The following WNT7B variants were observed in gnomAD, a reference collection of about 807,000 sequenced individuals.
WNT7B encodes the protein Wnt family member 7B.
A neutral mutation model predicts 38.2 loss-of-function variants in WNT7B; 19 were observed. The ratio of observed to expected loss-of-function variants is 0.50; its 90% CI spans 0.35 to 0.73. WNT7B has a LOEUF of 0.73. WNT7B is among the 30% of genes least tolerant of loss of function. WNT7B has a pLI of 0.01. For missense variants in WNT7B, 423 were observed against 507.9 expected (o/e 0.83, Z 1.61); for synonymous variants, 243 against 209.3 (o/e 1.16, Z -1.39).
At chr22:45,927,982 GGAGGAACACTGGGAGCT>G (rs1931146137) in intron 3 of WNT7B, among the ~76,000 whole-genome samples, 1 of 152,216 alleles carries the variant, frequency 6.6e-6, no homozygotes, top group African/African-American at 2.4e-5. Flanking sequence ...TGGCCACAGC[GGAGGAACACTGGGAGCT>G]GAGGAATGCT....
rs1405763137 is a variant in WNT7B at position 45,975,540 on chromosome 22, T to A, written c.71+1144A>T. 4 of 716,766 alleles carry A rather than the reference T, an allele frequency of 5.6e-6. No individual in the cohort carries two copies. In the South Asian group the frequency reaches 5.9e-5, roughly 11 times the overall value. 44.4% of individuals were successfully genotyped at this position (716,766 alleles called of 1,614,324 possible). ...TCTGCAGGCCTTGGGCCTCAGTTTC[T>A]CCACCTGTAAAATGGCGGGGCAGAC... is the stretch of plus-strand genomic sequence containing the variant. On this transcript the variant is annotated intron_variant, in intron 1 of 3. Transcript: ENST00000339464. This position sits in a 1 kb window ranked among gnomAD's most constrained non-coding sequence, Gnocchi z 6.6.
At chr22:45,930,461 C>T (rs1022496844) in intron 3 of WNT7B, among the ~76,000 whole-genome samples, 1 of 152,246 alleles carries the variant, frequency 6.6e-6, no homozygotes, top group Non-Finnish European at 1.5e-5. Context: ...CGCCGTGCAG[C>T]TGCTCCTCCC....
chr22:45,936,233 A>G, intron 2 of WNT7B: 1 of 951,368 alleles, frequency 1.1e-6, no homozygotes, highest in Non-Finnish European at 1.3e-6. Flanking sequence ...CCCATTTGAT[A>G]CATGGAACTC....
rs559218235 is a variant in WNT7B, at chr22:45,972,169, G to A, written c.71+4515C>T. The A allele has an allele frequency of 1.1e-3, 672 of 625,906 alleles. 7 individuals are homozygous for A. The African/African-American group carries it at 0.012, about 11-fold the overall frequency. 38.8% of individuals were successfully genotyped at this position (625,906 alleles called of 1,614,324 possible). A position where few individuals can be genotyped will look rare whatever the true frequency, so the allele number is the denominator to read the frequency against. On this transcript the variant is annotated intron_variant, in intron 1 of 3. Coordinates refer to ENST00000339464, the MANE Select transcript of WNT7B (RefSeq NM_058238.3). ...GCGGCACTCACAAGTAGCTGCCGCT[G>A]GACAGGAGGAGAAAGATCTGCGGGC...
Position 45,938,864 on chromosome 22 carries a change from T to A in WNT7B, c.299-7495A>T, listed in dbSNP as rs982586393. Among the ~76,000 whole-genome samples the A allele has an allele frequency of 2.6e-5, 4 of 152,232 alleles. No individual in the cohort carries two copies. In the South Asian group the frequency reaches 8.3e-4, roughly 31 times the overall value. ...TACACATTGTATACATGTATCAACA[T>A]ATCACATGGACCCCATAAATATGTG... On this transcript the variant is annotated intron_variant, in intron 2 of 3. Transcript: ENST00000339464.
At chr22:45,954,350 A>G (rs1932011997) in intron 1 of WNT7B, among the ~76,000 whole-genome samples, 1 of 152,208 alleles carries the variant, frequency 6.6e-6, no homozygotes, top group Non-Finnish European at 1.5e-5. Flanking sequence ...ATTGCACCAC[A>G]TTGTGAATGG....
chr22:45,926,324 G>C (rs1931081696), intron 3 of WNT7B: 1 of 985,334 alleles, frequency 1.0e-6, no homozygotes, highest in Non-Finnish European at 1.2e-6. Context: ...GCTCAGGGGA[G>C]CTGCAGGCTG....
At chr22:45,956,018 C>T (rs1268313552) in intron 1 of WNT7B, among the ~76,000 whole-genome samples, 3 of 152,112 alleles carry the variant, frequency 2.0e-5, no homozygotes, top group African/African-American at 7.2e-5. Flanking sequence ...GAGGAGGTGG[C>T]TGCGGTGGGG....
rs1569112312 is a variant in WNT7B at position 45,931,080 on chromosome 22, G to A, written c.570+18C>T. 3 of 1,551,056 alleles carry A rather than the reference G, an allele frequency of 1.9e-6. No individual in the cohort carries two copies. Among genetic ancestry groups the A allele is most frequent in the Non-Finnish European group, 1.7e-6 (2 of 1,149,240 alleles). ...GCGGTCCCAGCTACGGCCCCCACCA[G>A]CCGCACCCGCACCCTACCTTCCTGC... On this transcript the variant is annotated intron_variant, in intron 3 of 3. Transcript: ENST00000339464.
intron 1 of WNT7B, among the ~76,000 whole-genome samples, chr22:45,961,074 T>C (rs114868933): frequency 0.015 from 2,277 of 152,362 alleles, 45 homozygotes; most frequent in African/African-American, 0.052. Flanking sequence ...TGCCCCATAA[T>C]GCCTGACCCC....
chr22:45,960,764 C>T (rs1932178123), intron 1 of WNT7B, among the ~76,000 whole-genome samples: 1 of 152,224 alleles, frequency 6.6e-6, no homozygotes, highest in Admixed American at 6.5e-5. Context: ...CCCGGGAGGA[C>T]AGCACCTGGC....
intron 1 of WNT7B, among the ~76,000 whole-genome samples, chr22:45,967,418 G>T (rs1201701933): frequency 9.7e-6 from 1 of 103,262 alleles, no homozygotes; most frequent in Non-Finnish European, 2.1e-5. Context: ...AGCCGTGAGG[G>T]CTTGGGCTCC....
intron 1 of WNT7B, among the ~76,000 whole-genome samples, chr22:45,969,690 T>C (rs1439460163): frequency 6.6e-6 from 1 of 152,134 alleles, no homozygotes; most frequent in Non-Finnish European, 1.5e-5. Context: ...TGGGATTCGG[T>C]GTGCACCGAC....
chr22:45,927,938 G>A (rs942481770), intron 3 of WNT7B, among the ~76,000 whole-genome samples: 1 of 152,240 alleles, frequency 6.6e-6, no homozygotes, highest in Non-Finnish European at 1.5e-5. Context: ...GCTCAGAGGA[G>A]ACCTGGTGAA....
At chr22:45,925,468 GGGA>G in intron 3 of WNT7B, 1 of 985,302 alleles carries the variant, frequency 1.0e-6, no homozygotes, top group Non-Finnish European at 1.2e-6. Context: ...GGCAGCTTTG[GGGA>G]ATTGCAGGGC....
chr22:45,941,468 G>A (rs141626722), intron 2 of WNT7B, among the ~76,000 whole-genome samples: 4 of 149,880 alleles, frequency 2.7e-5, no homozygotes, highest in South Asian at 2.1e-4. Context: ...CTGAGATCGC[G>A]TCAGTGCACT....
chr22:45,974,455 G>A (rs942183368), intron 1 of WNT7B, among the ~76,000 whole-genome samples: 4 of 152,220 alleles, frequency 2.6e-5, no homozygotes, highest in South Asian at 2.1e-4. Context: ...CATTCCTGGC[G>A]GGCAGGGGCT....
Position 45,922,820 on chromosome 22 carries a change from G to T in WNT7B, c.*36C>A. Reference sequence around the variant, plus strand: ...GAGTGGATGTGCAAAATGCCGCCGGGTTCCAGGGTGCCCGCGGCCGCCTCC... The same window carrying T: ...GAGTGGATGTGCAAAATGCCGCCGGTTTCCAGGGTGCCCGCGGCCGCCTCC... On this transcript the variant is annotated 3_prime_UTR_variant, in exon 4 of 4. Coordinates refer to ENST00000339464, the MANE Select transcript of WNT7B (RefSeq NM_058238.3). 6.4e-7 allele frequency: 1 copy of T among 1,566,952 alleles called. No homozygotes were observed. Among genetic ancestry groups the T allele is most frequent in the Admixed American group, 1.7e-5 (1 of 57,490 alleles).
chr22:45,976,950 C>A lies in WNT7B; in HGVS notation c.-196G>T. ...CCCGGGATGCCGCCGCCGCCACCGCCGCGTGAGCCCGGGGAATTGACCCAG... is the reference window on the plus strand; with the variant it reads ...CCCGGGATGCCGCCGCCGCCACCGCAGCGTGAGCCCGGGGAATTGACCCAG... On this transcript the variant is annotated 5_prime_UTR_variant, in exon 1 of 4. Coordinates refer to ENST00000339464, the MANE Select transcript of WNT7B (RefSeq NM_058238.3). This position sits in a 1 kb window ranked among gnomAD's most constrained non-coding sequence, Gnocchi z 8.5. 1.0e-6 allele frequency: 1 copy of A among 988,328 alleles called. No individual in the cohort carries two copies. Among genetic ancestry groups the A allele is most frequent in the Non-Finnish European group, 1.2e-6 (1 of 832,408 alleles). The allele number at this position is 988,328 out of a possible 1,614,324, so 61.2% of individuals were successfully genotyped here.
Sources: allele counts gnomAD v4.1 joint callset (sites outside exome capture counted in the v4.1 genomes callset), GRCh38; gene constraint gnomAD v4.1.1; non-coding constraint Gnocchi (gnomAD v3.1); transcripts MANE v1.5; gene names NCBI Gene and HGNC (gene_info 2026-07-23, HGNC 2026-07-21).